ALS2: variants seen among roughly 807,000 people sequenced by gnomAD.
ALS2 encodes the protein alsin Rho guanine nucleotide exchange factor ALS2.
In ALS2, 117 loss-of-function variants were observed where a neutral mutation model predicts 203.4. That is an observed-to-expected ratio of 0.58 (90% confidence interval 0.50 to 0.67). The LOEUF is 0.67. Ranked by LOEUF, ALS2 falls within the 30% of genes least tolerant of loss-of-function variation. The pLI, the probability that ALS2 is intolerant of heterozygous loss-of-function variation, is 0.00. For synonymous variants in ALS2, 718 were observed against 725.9 expected (o/e 0.99, Z 0.17); for missense variants, 1,715 against 1,989.4 (o/e 0.86, Z 2.62).
rs865900972 is a variant in ALS2, at chr2:201,712,733, T to C, written c.4005-1625A>G. Among the ~76,000 whole-genome samples, 3 of 136,368 alleles carry C rather than the reference T, an allele frequency of 2.2e-5. No individual in the cohort carries two copies. In the South Asian group the frequency reaches 6.9e-4, roughly 31 times the overall value. The allele number at this position is 136,368 out of a possible 152,430, so 89.5% of individuals were successfully genotyped here. A position where few individuals can be genotyped will look rare whatever the true frequency, so the allele number is the denominator to read the frequency against. The stretch of plus-strand genomic sequence containing the variant: ...GGTCAAGTTAAAGAAGAAAGGCAGA[T>C]GGAGAAAAGCAGGAGAAAAGAAAAA... On this transcript the variant is annotated intron_variant, in intron 25 of 33. Coordinates refer to ENST00000264276, the MANE Select transcript of ALS2 (RefSeq NM_020919.4).
At chr2:201,757,931 C>T (rs769358733) in intron 4 of ALS2, among the ~76,000 whole-genome samples, 172 bp from the exon 5 acceptor site, 1 of 152,184 alleles carries the variant, frequency 6.6e-6, no homozygotes, top group Non-Finnish European at 1.5e-5. Context: ...GGAGTTAACA[C>T]ATTAAATGGA....
chr2:201,720,501 G>A (rs971216742), intron 23 of ALS2, among the ~76,000 whole-genome samples: 1 of 129,814 alleles, frequency 7.7e-6, no homozygotes, highest in African/African-American at 2.9e-5. Context: ...TCAGGAGTTT[G>A]AGACCAGCTT....
chr2:201,724,081 C>T (rs1408447833), intron 21 of ALS2, among the ~76,000 whole-genome samples: 3 of 151,956 alleles, frequency 2.0e-5, no homozygotes, highest in Non-Finnish European at 4.4e-5. Flanking sequence ...TCGCACCACT[C>T]CAGCCTGGGT....
At chr2:201,780,577 T>C (rs1694859073) in intron 1 of ALS2, among the ~76,000 whole-genome samples, 1 of 152,108 alleles carries the variant, frequency 6.6e-6, no homozygotes, top group South Asian at 2.1e-4. Flanking sequence ...TTGAAGGAAT[T>C]TCACGCAGCT....
intron 23 of ALS2, 182 bp downstream of exon 23, chr2:201,722,861 G>A (rs1574696533): frequency 1.3e-5 from 8 of 594,214 alleles, no homozygotes; most frequent in South Asian, 6.5e-5. Context: ...TTTCTTGGGC[G>A]ATGGAAATGT....
chr2:201,708,735 G>C (rs1372110563), intron 27 of ALS2, among the ~76,000 whole-genome samples: 1 of 152,086 alleles, frequency 6.6e-6, no homozygotes, highest in Non-Finnish European at 1.5e-5. Context: ...CTGACTTCTT[G>C]TATGCTAGTG....
At chr2:201,724,166 A>C (rs1690999481) in intron 21 of ALS2, 129 bp downstream of exon 21, 1 of 945,624 alleles carries the variant, frequency 1.1e-6, no homozygotes, top group African/African-American at 1.7e-5. Flanking sequence ...TTCATTTTTC[A>C]CCTACTCAAA....
intron 1 of ALS2, among the ~76,000 whole-genome samples, chr2:201,773,894 G>A (rs1694536245): frequency 6.6e-6 from 1 of 152,186 alleles, no homozygotes; most frequent in Admixed American, 6.5e-5. Context: ...ATTAGGTCAA[G>A]GCAGCTGGGG....
chr2:201,760,427 T>C, intron 4 of ALS2: 1 of 989,334 alleles, frequency 1.0e-6, no homozygotes, highest in Non-Finnish European at 1.2e-6. Flanking sequence ...GTTTTAAATC[T>C]GCCTACAATT....
At chr2:201,714,711 T>C (rs187081070) in intron 25 of ALS2, among the ~76,000 whole-genome samples, 59 of 152,372 alleles carry the variant, frequency 3.9e-4, no homozygotes, top group African/African-American at 1.3e-3. Flanking sequence ...AGCCTTTGCA[T>C]CCTTCCTGGG....
Position 201,753,159 on chromosome 2 carries a change from G to GT in ALS2, c.1723dup (p.Thr575AsnfsTer11). ...TTTGCCTCCTACCTGGGATTTCGCA[G>GT]TAAGTGCAAGAGAATGGTAACCACC... On this transcript the variant is annotated frameshift_variant, in exon 7 of 34. Coordinates refer to ENST00000264276, the MANE Select transcript of ALS2 (RefSeq NM_020919.4). LOFTEE classifies it high-confidence loss of function. 1.9e-6 allele frequency: 3 copies of GT among 1,614,040 alleles called. No individual in the cohort carries two copies. The highest frequency in any genetic ancestry group is 2.5e-6 in the Non-Finnish European group (3 of 1,179,914).
chr2:201,772,597 T>C (rs758943326), intron 1 of ALS2, among the ~76,000 whole-genome samples: 9 of 152,160 alleles, frequency 5.9e-5, no homozygotes, highest in Non-Finnish European at 8.8e-5. Flanking sequence ...TAATATATAG[T>C]TTATGCATCT....
At chr2:201,741,474 A>AT in intron 11 of ALS2, 200 bp downstream of exon 11, 1 of 580,942 alleles carries the variant, frequency 1.7e-6, no homozygotes, top group Non-Finnish European at 3.0e-6. Flanking sequence ...ATAATTCATT[A>AT]TTTTTAAATT....
In ALS2 at chr2:201,729,064, G is replaced by C. The variant is rs752016144; in HGVS notation, c.2700C>G (p.Pro900=). ...TGGCATGGCTTACCGTCATTTTTCC[G>C]GGGAAGGTCTTCCAGAAGCCCAGTG... The part of the protein sequence containing the change: ...EYTLGFWKTF[P]GKMTDSLRKP... Residue 900 remains proline, a synonymous_variant, in exon 14 of 34, where the codon CCC becomes CCG. Coordinates refer to ENST00000264276, the MANE Select transcript of ALS2 (RefSeq NM_020919.4). 3.1e-6 allele frequency: 5 copies of C among 1,614,058 alleles called. No homozygotes were observed. The South Asian group carries it at 3.3e-5, about 11-fold the overall frequency.
intron 31 of ALS2, 65 bp downstream of exon 31, chr2:201,705,074 A>G: frequency 6.8e-7 from 1 of 1,463,836 alleles, no homozygotes; most frequent in Non-Finnish European, 9.5e-7. Context: ...AGATCATATT[A>G]ATAATATCTT....
intron 26 of ALS2, 93 bp from the exon 27 acceptor site, chr2:201,710,131 T>A: frequency 1.4e-6 from 2 of 1,468,164 alleles, no homozygotes; most frequent in Non-Finnish European, 1.9e-6. Flanking sequence ...TGACACACAA[T>A]TGTCAAAATG....
rs551480142 is a variant in ALS2, at chr2:201,702,132, G to GT, written c.4936-244dup. On this transcript the variant is annotated intron_variant, in intron 33 of 33. Coordinates refer to ENST00000264276, the MANE Select transcript of ALS2 (RefSeq NM_020919.4). ...ATTTCCCGTCTTATTCTAAAACAAA[G>GT]TTTTTTTACAAGCTAGCTAATATTC... 4.7e-5 allele frequency among the ~76,000 whole-genome samples: 7 copies of GT among 150,422 alleles called. No homozygotes were observed. The South Asian group carries it at 6.4e-4, about 14-fold the overall frequency.
At chr2:201,749,849 C>G in intron 7 of ALS2, 60 bp from the exon 8 acceptor site, 2 of 1,300,644 alleles carry the variant, frequency 1.5e-6, no homozygotes, top group African/African-American at 2.9e-5. Context: ...CACATCAACT[C>G]TGAACCTTTA....
chr2:201,753,999 T>C (rs1436674491), intron 6 of ALS2, among the ~76,000 whole-genome samples: 3 of 148,798 alleles, frequency 2.0e-5, no homozygotes, highest in Non-Finnish European at 4.4e-5. Flanking sequence ...CTTTTACTGC[T>C]TTTTTTTTCT....
Sources: gnomAD v4.1 joint callset for allele counts (sites outside exome capture counted in the v4.1 genomes callset) on GRCh38, gnomAD v4.1.1 for gene constraint, MANE v1.5 for transcripts, NCBI Gene and HGNC (gene_info 2026-07-23, HGNC 2026-07-21) for gene names.